The following CELSR1 variants were observed in gnomAD, a reference collection of about 807,000 sequenced individuals.
CELSR1 encodes the protein adhesion G protein-coupled receptor C1.
A neutral mutation model predicts 249.1 loss-of-function variants in CELSR1; 110 were observed. The ratio of observed to expected loss-of-function variants is 0.44; its 90% CI spans 0.38 to 0.52. The LOEUF (loss-of-function observed/expected upper bound fraction) is 0.52. CELSR1 is among the 20% of genes least tolerant of loss of function. The probability of loss-of-function intolerance (pLI) is 0.00; values close to 1 mark genes in which losing one functional copy is unlikely to be tolerated. For synonymous variants in CELSR1, 2,113 were observed against 1,900.0 expected, an observed-to-expected ratio of 1.11 and a Z score of -2.92; for missense variants, 4,109 against 4,296.4, an observed-to-expected ratio of 0.96 and a Z score of 1.22.
chr22:46,507,075 A>G (rs1200363688), intron 1 of CELSR1, among the ~76,000 whole-genome samples: 2 of 152,072 alleles, frequency 1.3e-5, no homozygotes, highest in African/African-American at 4.8e-5. Flanking sequence ...AATCCCAGCT[A>G]CTCGGGAGGC....
rs1333605738 is a variant in CELSR1, at chr22:46,362,983, T to C, written c.*240A>G. 3 of 719,370 alleles carry C rather than the reference T, an allele frequency of 4.2e-6. No homozygotes were observed. Among genetic ancestry groups the C allele is most frequent in the Non-Finnish European group, 6.9e-6 (3 of 436,628 alleles). 44.6% of individuals were successfully genotyped at this position (719,370 alleles called of 1,614,324 possible). On this transcript the variant is annotated 3_prime_UTR_variant, in exon 35 of 35. Transcript: ENST00000674500. ...CACGCCTCCCTCATGCCTGTGGCCTTTGGCACTTGTCACCAGGTCTGACAG... is the reference window on the plus strand; with the variant it reads ...CACGCCTCCCTCATGCCTGTGGCCTCTGGCACTTGTCACCAGGTCTGACAG...
chr22:46,424,180 C>T (rs566034346), intron 5 of CELSR1, among the ~76,000 whole-genome samples: 1 of 152,194 alleles, frequency 6.6e-6, no homozygotes, highest in African/African-American at 2.4e-5. Context: ...AATCCTCCCA[C>T]CTCAGCCTCC....
Position 46,409,717 on chromosome 22 carries a change from C to T in CELSR1, c.5059+38G>A, listed in dbSNP as rs376499801. 1.0e-3 allele frequency: 1,624 copies of T among 1,608,192 alleles called. 22 individuals are homozygous for T. In the South Asian group the frequency reaches 0.016, roughly 16 times the overall value. On this transcript the variant is annotated intron_variant, in intron 8 of 34. Coordinates refer to ENST00000674500, the MANE Select transcript of CELSR1 (RefSeq NM_001378328.1). The surrounding 1 kb of genome is among the most constrained non-coding windows in gnomAD (Gnocchi z 9.8). ...CATCAAGGAGCAATGCCTCCCAGGC[C>T]GCCGTGACCGGGGGGATGGACGACG...
chr22:46,371,043 A>C (rs1461072451), intron 25 of CELSR1, among the ~76,000 whole-genome samples: 1 of 152,174 alleles, frequency 6.6e-6, no homozygotes, highest in Non-Finnish European at 1.5e-5. Flanking sequence ...CATGTTCTTC[A>C]TCTCAGCGTC....
intron 29 of CELSR1, 122 bp from the exon 30 acceptor site, chr22:46,366,602 C>T (rs2078785657): frequency 1.3e-6 from 1 of 794,004 alleles, no homozygotes; most frequent in Non-Finnish European, 2.1e-6. Context: ...CCCTGCCTGG[C>T]ACACAGGAGG....
rs2079354276 is a variant in CELSR1 at position 46,412,859 on chromosome 22, A to G, written c.4612-1100T>C. 1.3e-5 allele frequency among the ~76,000 whole-genome samples: 2 copies of G among 152,236 alleles called. No individual in the cohort carries two copies. The highest frequency in any genetic ancestry group is 1.3e-4 in the Admixed American group (2 of 15,282). On this transcript the variant is annotated intron_variant, in intron 5 of 34. Coordinates refer to ENST00000674500, the MANE Select transcript of CELSR1 (RefSeq NM_001378328.1). The surrounding 1 kb of genome is among the most constrained non-coding windows in gnomAD (Gnocchi z 4.5). ...GTCTTTCATCTGCACAACCTGGATAACAAGACCTACATCCCACAGGTGGCC... is the reference window on the plus strand; with the variant it reads ...GTCTTTCATCTGCACAACCTGGATAGCAAGACCTACATCCCACAGGTGGCC...
chr22:46,451,521 G>T (rs1358147638), intron 2 of CELSR1, among the ~76,000 whole-genome samples: 5 of 152,204 alleles, frequency 3.3e-5, no homozygotes, highest in Non-Finnish European at 7.3e-5. Context: ...GAACCTGAAG[G>T]ATGGGTGCAT....
chr22:46,408,957 C>T lies in CELSR1; in HGVS notation c.5226+39G>A. Reference sequence around the variant, plus strand: ...CGCCTGGGTCCCTCCCTCGGGCACCCACCTAGCAGGTGCCTTGGTGGCACG... The same window carrying T: ...CGCCTGGGTCCCTCCCTCGGGCACCTACCTAGCAGGTGCCTTGGTGGCACG... On this transcript the variant is annotated intron_variant, in intron 9 of 34. Coordinates refer to ENST00000674500, the MANE Select transcript of CELSR1 (RefSeq NM_001378328.1). The surrounding 1 kb of genome is among the most constrained non-coding windows in gnomAD (Gnocchi z 4.6). The T allele has an allele frequency of 6.5e-7, 1 of 1,546,956 alleles. No individual in the cohort carries two copies. The highest frequency in any genetic ancestry group is 1.2e-5 in the South Asian group (1 of 81,784).
rs1248925213 is a variant in CELSR1, at chr22:46,380,602, GGGGAGGACTCTGATATTC to G, written c.7256+168_7256+185del. ...GTGTGCATCTGTGTGTGGACATCTA[GGGGAGGACTCTGATATTC>G]CCACAGAAGCAGAGCAGGAGGCTCA... On this transcript the variant is annotated intron_variant, in intron 22 of 34. Coordinates refer to ENST00000674500, the MANE Select transcript of CELSR1 (RefSeq NM_001378328.1). This position sits in a 1 kb window ranked among gnomAD's most constrained non-coding sequence, Gnocchi z 5.1. Among the ~76,000 whole-genome samples, 1 of 152,194 alleles carries G rather than the reference GGGGAGGACTCTGATATTC, an allele frequency of 6.6e-6. No individual in the cohort carries two copies. The highest frequency in any genetic ancestry group is 2.4e-5 in the African/African-American group (1 of 41,442).
intron 1 of CELSR1, among the ~76,000 whole-genome samples, chr22:46,479,770 AAAC>A (rs1299746885): frequency 6.6e-6 from 1 of 152,206 alleles, no homozygotes; most frequent in Non-Finnish European, 1.5e-5. Flanking sequence ...GTTGCTATCA[AAAC>A]AATAAGGTGC....
intron 2 of CELSR1, among the ~76,000 whole-genome samples, chr22:46,456,624 C>T (rs1026233390): frequency 7.3e-6 from 1 of 136,578 alleles, no homozygotes; most frequent in African/African-American, 2.7e-5. Flanking sequence ...GATTGTGCCG[C>T]TGCACTTCAG....
At chr22:46,458,012 G>T (rs1184817959) in intron 2 of CELSR1, among the ~76,000 whole-genome samples, 2 of 152,266 alleles carry the variant, frequency 1.3e-5, no homozygotes, top group African/African-American at 4.8e-5. Context: ...GGCATGTTCT[G>T]TTGGGCGGAG....
At chr22:46,444,357 G>A (rs1271126511) in intron 2 of CELSR1, among the ~76,000 whole-genome samples, 1 of 152,168 alleles carries the variant, frequency 6.6e-6, no homozygotes, top group African/African-American at 2.4e-5. Context: ...AGTGGCCCCC[G>A]ATATCCTCAG....
rs1377420940 is a variant in CELSR1, at chr22:46,473,743, G to T, written c.3545-9398C>A. Among the ~76,000 whole-genome samples, 1 of 152,148 alleles carries T rather than the reference G, an allele frequency of 6.6e-6. No homozygotes were observed. Among genetic ancestry groups the T allele is most frequent in the East Asian group, 1.9e-4 (1 of 5,192 alleles). On this transcript the variant is annotated intron_variant, in intron 1 of 34. Transcript: ENST00000674500. The surrounding 1 kb of genome is among the most constrained non-coding windows in gnomAD (Gnocchi z 6.6). ...ACAGCAGGCAGGGAGGGCCCTGCTT[G>T]GTGGCTCCTGGTGGCTCCCATTCAA...
Position 46,536,340 on chromosome 22 carries a change from C to T in CELSR1, c.831G>A (p.Glu277=). ...CCTCCATGTAATAGCTCACGCGCTC[C>T]TCCTCGCCCTCGATGGTGTAGTGCG... ...LHAHYTIEGE[E]ERVSYYMEGL... Residue 277 remains glutamate (E), a synonymous_variant, in exon 1 of 35, where the codon GAG becomes GAA. Coordinates refer to ENST00000674500, the MANE Select transcript of CELSR1 (RefSeq NM_001378328.1). 1 of 1,612,714 alleles carries T rather than the reference C, an allele frequency of 6.2e-7. No individual in the cohort carries two copies. Among genetic ancestry groups the T allele is most frequent in the Non-Finnish European group, 8.5e-7 (1 of 1,179,836 alleles).
intron 1 of CELSR1, among the ~76,000 whole-genome samples, chr22:46,475,660 G>GT (rs67126097): frequency 4.9e-5 from 1 of 20,252 alleles, no homozygotes; most frequent in Non-Finnish European, 1.6e-4. Flanking sequence ...AGAAACGAAT[G>GT]GGGGGGGAAG....
Position 46,391,798 on chromosome 22 carries a change from G to A in CELSR1, c.5983C>T (p.Leu1995=), listed in dbSNP as rs1261803767. 1.2e-6 allele frequency: 2 copies of A among 1,610,532 alleles called. No homozygotes were observed. The highest frequency in any genetic ancestry group is 2.2e-5 in the East Asian group (1 of 44,758). ...CAGGGCAGACAGGTGTCCTGGGCTA[G>A]GAGCTTGTAGTAATTCTCCTGCAAA... ...CQCKENYYKL[L]AQDTCLPCDC... The change falls in exon 15 of 35, where the codon CTA becomes TTA. Residue 1995 remains leucine, a synonymous_variant. Coordinates refer to ENST00000674500, the MANE Select transcript of CELSR1 (RefSeq NM_001378328.1). The surrounding 1 kb of genome is among the most constrained non-coding windows in gnomAD (Gnocchi z 4.3).
intron 5 of CELSR1, among the ~76,000 whole-genome samples, chr22:46,426,657 G>C (rs1418389714): frequency 6.6e-6 from 1 of 152,202 alleles, no homozygotes; most frequent in African/African-American, 2.4e-5. Context: ...AAGTTCACGT[G>C]TTGAAACTTC....
At chr22:46,364,823 C>T (rs953789121) in intron 32 of CELSR1, 87 bp from the exon 33 acceptor site, 157 of 1,306,068 alleles carry the variant, frequency 1.2e-4, no homozygotes, top group Non-Finnish European at 1.6e-4. Context: ...GGCTCTGACC[C>T]ACCTCTCCCC....
Sources: allele counts gnomAD v4.1 joint callset (sites outside exome capture counted in the v4.1 genomes callset), GRCh38; gene constraint gnomAD v4.1.1; non-coding constraint Gnocchi (gnomAD v3.1); transcripts MANE v1.5; gene names NCBI Gene and HGNC (gene_info 2026-07-23, HGNC 2026-07-21).